POT1: variants seen among roughly 807,000 people sequenced by gnomAD.
The protein encoded by POT1 is protection of telomeres protein 1.
Under a neutral mutation model 78.5 loss-of-function variants are expected in POT1, and 47 were observed. The observed-to-expected ratio is 0.60, with a 90% CI of 0.47 to 0.76. The LOEUF (loss-of-function observed/expected upper bound fraction) is 0.76. Ranked by LOEUF, POT1 falls within the 30% of genes least tolerant of loss-of-function variation. The pLI, the probability that POT1 is intolerant of heterozygous loss-of-function variation, is 0.00. For missense variants in POT1, 646 were observed against 749.9 expected (o/e 0.86, Z 1.62); for synonymous variants, 259 against 260.7 (o/e 0.99, Z 0.06).
chr7:124,903,425 C>T (rs1170522192), intron 3 of POT1, among the ~76,000 whole-genome samples: 1 of 152,180 alleles, frequency 6.6e-6, no homozygotes, highest in Non-Finnish European at 1.5e-5. Flanking sequence ...GAATGGACTA[C>T]TGGGTACATA....
chr7:124,846,603 A>G (rs1795173412), intron 12 of POT1, among the ~76,000 whole-genome samples: 1 of 152,074 alleles, frequency 6.6e-6, no homozygotes, highest in Non-Finnish European at 1.5e-5. Context: ...GTTTAAAGAT[A>G]TGTGTCTTTA....
intron 3 of POT1, among the ~76,000 whole-genome samples, chr7:124,903,303 C>T (rs570352510): frequency 1.8e-4 from 27 of 152,270 alleles, no homozygotes; most frequent in Non-Finnish European, 3.4e-4. Flanking sequence ...TATAAAAGAA[C>T]AGAAATTATA....
At chr7:124,881,532 G>T (rs983453164) in intron 6 of POT1, among the ~76,000 whole-genome samples, 6 of 151,900 alleles carry the variant, frequency 3.9e-5, no homozygotes, top group South Asian at 2.1e-4. Context: ...CACCTTTCAG[G>T]TTCCCTCAAT....
chr7:124,864,048 G>A (rs941385829), intron 7 of POT1, among the ~76,000 whole-genome samples: 1 of 152,094 alleles, frequency 6.6e-6, no homozygotes, highest in Non-Finnish European at 1.5e-5. Flanking sequence ...AGAATATAAA[G>A]TGAACAAAAT....
Position 124,897,060 on chromosome 7 carries a change from A to G in POT1, c.9+105T>C, listed in dbSNP as rs926303586. 6 of 582,022 alleles carry G rather than the reference A, an allele frequency of 1.0e-5. No individual in the cohort carries two copies. The Admixed American group carries it at 1.6e-4, about 16-fold the overall frequency. 36.1% of individuals were successfully genotyped at this position (582,022 alleles called of 1,614,324 possible). On this transcript the variant is annotated intron_variant, in intron 5 of 18. Coordinates refer to ENST00000357628, the MANE Select transcript of POT1 (RefSeq NM_015450.3). ...TTTCCAGTGTATTGATAATATATCA[A>G]TATCAGACTACAAAGTGGACTGAAT...
At chr7:124,879,116 T>C (rs1796058072) in intron 6 of POT1, among the ~76,000 whole-genome samples, 1 of 152,160 alleles carries the variant, frequency 6.6e-6, no homozygotes, top group South Asian at 2.1e-4. Context: ...TACAACCACA[T>C]GGTAACACTT....
At chr7:124,836,990 T>C (rs1181465388) in intron 14 of POT1, among the ~76,000 whole-genome samples, 1 of 152,226 alleles carries the variant, frequency 6.6e-6, no homozygotes. Flanking sequence ...CATGTATATA[T>C]GTGCATACTA....
At chr7:124,923,629 C>T (rs1304012114) in intron 2 of POT1, among the ~76,000 whole-genome samples, 2 of 151,568 alleles carry the variant, frequency 1.3e-5, no homozygotes, top group Non-Finnish European at 3.0e-5. Context: ...TCAATGAAAA[C>T]TTCCTAAGTC....
At chr7:124,928,702 G>A (rs910023418) in intron 2 of POT1, 113 bp downstream of exon 2, 1 of 152,482 alleles carries the variant, frequency 6.6e-6, no homozygotes, top group Non-Finnish European at 1.5e-5. Flanking sequence ...AATCTCAAAT[G>A]TTATGACAAA....
At chr7:124,901,450 G>A (rs891110989) in intron 3 of POT1, among the ~76,000 whole-genome samples, 2 of 152,110 alleles carry the variant, frequency 1.3e-5, no homozygotes, top group Non-Finnish European at 2.9e-5. Flanking sequence ...ACTGTAAGAA[G>A]GAAAACTAAC....
intron 6 of POT1, among the ~76,000 whole-genome samples, chr7:124,888,552 T>C (rs1466142517): frequency 6.6e-6 from 1 of 152,062 alleles, no homozygotes; most frequent in Non-Finnish European, 1.5e-5. Flanking sequence ...GACTGAGTAG[T>C]ATGACCATGT....
At chr7:124,863,791 A>G (rs1425929287) in intron 7 of POT1, 151 bp from the exon 8 acceptor site, 1 of 633,226 alleles carries the variant, frequency 1.6e-6, no homozygotes, top group African/African-American at 1.8e-5. Context: ...TTTAATTAGC[A>G]TGTAAATTCT....
intron 9 of POT1, among the ~76,000 whole-genome samples, chr7:124,858,436 TTCAGAA>T (rs1429058141): frequency 2.0e-5 from 3 of 152,124 alleles, no homozygotes; most frequent in Non-Finnish European, 4.4e-5. Flanking sequence ...CTTAATGTAT[TTCAGAA>T]GACAGTATGC....
chr7:124,892,468 T>C (rs1207215038), intron 5 of POT1, 88 bp from the exon 6 acceptor site: 1 of 663,694 alleles, frequency 1.5e-6, no homozygotes, highest in East Asian at 3.1e-5. Flanking sequence ...CAAATCCATG[T>C]AACTATTTTA....
chr7:124,853,016 G>T lies in POT1; in HGVS notation c.825C>A (p.Ile275=), dbSNP rs772539730. 2 of 1,613,466 alleles carry T rather than the reference G, an allele frequency of 1.2e-6. No individual in the cohort carries two copies. The highest frequency in any genetic ancestry group is 4.5e-5 in the East Asian group (2 of 44,842). Residue 275 remains isoleucine, a synonymous_variant, in exon 10 of 19, where the codon ATC becomes ATA. Transcript: ENST00000357628. ...LHGGTSYGRG[I]RVLPESNSDV... is the part of the protein sequence containing the mutation. ...CAGAGTTACTTTCTGGCAAGACCCT[G>T]ATTCCCCGACCGTAACTGGTACCTC... is the stretch of plus-strand genomic sequence containing the variant.
chr7:124,926,808 A>G (rs1278564586), intron 2 of POT1, among the ~76,000 whole-genome samples: 1 of 152,230 alleles, frequency 6.6e-6, no homozygotes. Context: ...ATTATCTTAA[A>G]TGAAACAACT....
intron 6 of POT1, among the ~76,000 whole-genome samples, chr7:124,884,123 T>C (rs1796187452): frequency 6.6e-6 from 1 of 152,150 alleles, no homozygotes; most frequent in South Asian, 2.1e-4. Flanking sequence ...AAAACAATTA[T>C]GCTACATGAC....
At chr7:124,851,763 A>G in intron 11 of POT1, 109 bp downstream of exon 11, 1 of 830,164 alleles carries the variant, frequency 1.2e-6, no homozygotes. Flanking sequence ...CCTCTACTAC[A>G]TGAAATTATT....
chr7:124,914,406 A>G (rs994628704), intron 3 of POT1, among the ~76,000 whole-genome samples: 7 of 152,096 alleles, frequency 4.6e-5, no homozygotes, highest in Non-Finnish European at 1.0e-4. Flanking sequence ...ACTGTCTTGA[A>G]TCTGCAGCTC....
Sources: allele counts gnomAD v4.1 joint callset (sites outside exome capture counted in the v4.1 genomes callset), GRCh38; gene constraint gnomAD v4.1.1; transcripts MANE v1.5; gene names NCBI Gene and HGNC (gene_info 2026-07-23, HGNC 2026-07-21).